PPARGC1A: variants seen among roughly 807,000 people sequenced by gnomAD.
The protein encoded by PPARGC1A is PPARG coactivator 1 alpha.
PPARGC1A carries 25 observed loss-of-function variants against 88.7 expected under a neutral mutation model. That is an observed-to-expected ratio of 0.28 (90% CI 0.21 to 0.39). PPARGC1A has a LOEUF of 0.39. PPARGC1A is among the 10% of genes least tolerant of loss of function. The pLI is 1.00. For missense variants in PPARGC1A, 880 were observed against 968.7 expected, an observed-to-expected ratio of 0.91 and a Z score of 1.22; for synonymous variants, 363 against 355.6, an observed-to-expected ratio of 1.02 and a Z score of -0.24.
At chr4:24,162,900 T>G in the PPARGC1A span, among the ~76,000 whole-genome samples, 1 of 151,918 alleles carries the variant, frequency 6.6e-6, no homozygotes, top group African/African-American at 2.4e-5. Context: ...GGCCCTTACT[T>G]CCTTCTTATT....
At chr4:23,913,607 T>C in the PPARGC1A span, among the ~76,000 whole-genome samples, 1 of 152,270 alleles carries the variant, frequency 6.6e-6, no homozygotes, top group East Asian at 1.9e-4. Context: ...GACTTGGAGA[T>C]ATTTACAACA....
At chr4:23,999,344 T>C in the PPARGC1A span, among the ~76,000 whole-genome samples, 1 of 152,222 alleles carries the variant, frequency 6.6e-6, no homozygotes, top group African/African-American at 2.4e-5. Context: ...AGCTGAATCG[T>C]ACAACAGCTG....
chr4:24,430,846 G>A, the PPARGC1A span, among the ~76,000 whole-genome samples: 8 of 152,058 alleles, frequency 5.3e-5, no homozygotes, highest in Non-Finnish European at 8.8e-5. Flanking sequence ...GGCCGGGCGC[G>A]GGGGCTCAAG....
At chr4:23,801,969 G>A (rs1577331559) in intron 11 of PPARGC1A, 88 bp from the exon 12 acceptor site, 2 of 1,495,884 alleles carry the variant, frequency 1.3e-6, no homozygotes, top group Non-Finnish European at 1.8e-6. Context: ...GACTTCTCCA[G>A]TGCCAACGTC....
In PPARGC1A at chr4:23,814,156, G is replaced by A. The variant is rs1255281730; in HGVS notation, c.1327C>T (p.Gln443Ter). Residue 443 changes from glutamine (Q) to a stop codon, truncating the protein, a stop_gained, in exon 8 of 13, where the codon CAG (glutamine) becomes TAG (stop). Transcript: ENST00000264867. LOFTEE classifies it high-confidence loss of function. The part of the protein sequence containing the change: ...YLRETLEASK[Q>*]VSPCSTRKQL... ...TTTCTTGTGCTGCAAGGAGAGACCT[G>A]CTTGCTTGCCTCCAAAGTCTCTCTC... 1 of 1,614,046 alleles carries A rather than the reference G, an allele frequency of 6.2e-7. No individual in the cohort carries two copies. Among genetic ancestry groups the A allele is most frequent in the Admixed American group, 1.7e-5 (1 of 60,014 alleles).
the PPARGC1A span, among the ~76,000 whole-genome samples, chr4:23,975,798 A>G: frequency 1.1e-4 from 17 of 152,330 alleles, no homozygotes; most frequent in East Asian, 3.3e-3. Context: ...CAAATTCTTC[A>G]GCCAGTTACC....
chr4:23,946,911 T>A, the PPARGC1A span, among the ~76,000 whole-genome samples: 1 of 152,122 alleles, frequency 6.6e-6, no homozygotes. Context: ...TCATGGTACC[T>A]CTGGTGTAAA....
chr4:24,287,351 CTT>C, the PPARGC1A span, among the ~76,000 whole-genome samples: 2 of 152,178 alleles, frequency 1.3e-5, no homozygotes, highest in African/African-American at 4.8e-5. Context: ...TGAGCGCCCT[CTT>C]AGAGGCTACA....
At chr4:23,960,231 G>A in the PPARGC1A span, among the ~76,000 whole-genome samples, 2 of 152,044 alleles carry the variant, frequency 1.3e-5, no homozygotes, top group Admixed American at 1.3e-4. Flanking sequence ...GTTGCTCAAG[G>A]GACACCTGGC....
At chr4:24,002,779 A>G in the PPARGC1A span, among the ~76,000 whole-genome samples, 1 of 152,064 alleles carries the variant, frequency 6.6e-6, no homozygotes, top group Non-Finnish European at 1.5e-5. Context: ...CCACTGTTTC[A>G]CTGTTTGGAT....
chr4:24,348,062 T>C, the PPARGC1A span, among the ~76,000 whole-genome samples: 1 of 152,318 alleles, frequency 6.6e-6, no homozygotes, highest in South Asian at 2.1e-4. Flanking sequence ...CTGTCATATA[T>C]GATGCTTAGT....
In PPARGC1A at chr4:23,818,839, C is replaced by CTT. The variant is rs762478316; in HGVS notation, c.878-4236_878-4235dup. Among the ~76,000 whole-genome samples, 69 of 49,020 alleles carry CTT rather than the reference C, an allele frequency of 1.4e-3. 2 individuals carry two copies. The highest frequency in any genetic ancestry group is 2.1e-3 in the African/African-American group (27 of 12,650). 32.2% of individuals were successfully genotyped at this position (49,020 alleles called of 152,430 possible). A position where few individuals can be genotyped will look rare whatever the true frequency, so the allele number is the denominator to read the frequency against. ...GTGATGTGCTATTCACCAATGGCAT[C>CTT]TTTTTTTTTTTTTTTTTTTTTTTTT... is the stretch of plus-strand genomic sequence containing the variant. On this transcript the variant is annotated intron_variant, in intron 7 of 12. Coordinates refer to ENST00000264867, the MANE Select transcript of PPARGC1A (RefSeq NM_013261.5).
the PPARGC1A span, among the ~76,000 whole-genome samples, chr4:24,128,926 A>G: frequency 6.6e-6 from 1 of 152,208 alleles, no homozygotes; most frequent in African/African-American, 2.4e-5. Context: ...CATAGAAAGT[A>G]ACAAAACACC....
chr4:23,981,824 C>T, the PPARGC1A span, among the ~76,000 whole-genome samples: 7 of 152,188 alleles, frequency 4.6e-5, no homozygotes, highest in South Asian at 6.2e-4. Context: ...GATTCCCTCA[C>T]GCTTTTTTTT....
chr4:24,017,169 T>G, the PPARGC1A span, among the ~76,000 whole-genome samples: 2 of 152,198 alleles, frequency 1.3e-5, no homozygotes, highest in Non-Finnish European at 2.9e-5. Flanking sequence ...TCTTCTGATC[T>G]TTTAAAAGAC....
the PPARGC1A span, among the ~76,000 whole-genome samples, chr4:24,376,742 T>C: frequency 6.6e-6 from 1 of 152,188 alleles, no homozygotes; most frequent in African/African-American, 2.4e-5. Flanking sequence ...CTGCACGAAG[T>C]ACCAGACATA....
intron 1 of PPARGC1A, among the ~76,000 whole-genome samples, chr4:23,898,737 C>T (rs1035249026): frequency 9.2e-5 from 14 of 152,070 alleles, no homozygotes; most frequent in Non-Finnish European, 1.5e-4. Context: ...TTTGAAGGGT[C>T]CAGATTGTAC....
At chr4:24,162,732 C>T in the PPARGC1A span, among the ~76,000 whole-genome samples, 4 of 151,770 alleles carry the variant, frequency 2.6e-5, no homozygotes, top group African/African-American at 9.7e-5. Flanking sequence ...GCTGGTATTA[C>T]AGGCACCCAC....
At chr4:23,850,933 T>A (rs572402914) in intron 2 of PPARGC1A, among the ~76,000 whole-genome samples, 1 of 152,212 alleles carries the variant, frequency 6.6e-6, no homozygotes, top group South Asian at 2.1e-4. Flanking sequence ...TAGGTATACA[T>A]TTAAACTTAA....
Sources: gnomAD v4.1 joint callset for allele counts (sites outside exome capture counted in the v4.1 genomes callset) on GRCh38, gnomAD v4.1.1 for gene constraint, MANE v1.5 for transcripts, NCBI Gene and HGNC (gene_info 2026-07-23, HGNC 2026-07-21) for gene names.